The following ENPP2 variants were observed in gnomAD, a reference collection of about 807,000 sequenced individuals.
The protein encoded by ENPP2 is ectonucleotide pyrophosphatase/phosphodiesterase 2.
Under a neutral mutation model 120.2 loss-of-function variants are expected in ENPP2, and 51 were observed. The ratio of observed to expected loss-of-function variants is 0.42; its 90% CI spans 0.34 to 0.54. ENPP2 has a LOEUF of 0.54. ENPP2 is among the 20% of genes least tolerant of loss of function. The pLI, the probability that ENPP2 is intolerant of heterozygous loss-of-function variation, is 0.04. For missense variants in ENPP2, 920 were observed against 1,066.5 expected (o/e 0.86, Z 1.91); for synonymous variants, 365 against 366.4 (o/e 1.00, Z 0.04).
rs753042259 is a variant in ENPP2, at chr8:119,564,781, G to C, written c.2264+42C>G. On this transcript the variant is annotated intron_variant, in intron 23 of 24. Transcript: ENST00000075322. The stretch of plus-strand genomic sequence containing the variant: ...TGAAAAACTTCTTGAGTGAGATCTT[G>C]GGACTTAAAAATCACACACTGAGTA... 10 of 1,581,812 alleles carry C rather than the reference G, an allele frequency of 6.3e-6. No individual in the cohort carries two copies. The South Asian group carries it at 1.1e-4, about 18-fold the overall frequency.
intron 18 of ENPP2, chr8:119,580,943 T>C (rs1001985359): frequency 6.6e-6 from 1 of 152,134 alleles, no homozygotes; most frequent in African/African-American, 2.4e-5. Flanking sequence ...TTTAGGAAAC[T>C]ATACAAAAGA....
At chr8:119,592,670 T>C (rs1240695985) in intron 12 of ENPP2, among the ~76,000 whole-genome samples, 4 of 151,822 alleles carry the variant, frequency 2.6e-5, no homozygotes, top group Non-Finnish European at 1.5e-5. Flanking sequence ...GCAAATGCTC[T>C]TGACACCTCT....
At position 119,601,411 on chromosome 8, in the gene ENPP2, C is replaced by T. The variant is rs775814312; in HGVS notation, c.885G>A (p.Leu295=). ...GAAATAAATACCTCTCATGATCTGG[C>T]AGGGTGAGCCACTGCAATATGGTTA... ...RILTILQWLT[L]PDHERPSVYA... The change falls in exon 10 of 25, where the codon CTG becomes CTA. Residue 295 remains leucine (L), a synonymous_variant. Coordinates refer to ENST00000075322, the MANE Select transcript of ENPP2 (RefSeq NM_001040092.3). 10 of 1,606,610 alleles carry T rather than the reference C, an allele frequency of 6.2e-6. No individual in the cohort carries two copies. The South Asian group carries it at 8.8e-5, about 14-fold the overall frequency.
chr8:119,666,126 C>T (rs1269018603), intron 1 of ENPP2, among the ~76,000 whole-genome samples: 1 of 152,196 alleles, frequency 6.6e-6, no homozygotes, highest in Non-Finnish European at 1.5e-5. Context: ...AGACTACATA[C>T]ACATAAAAGA....
chr8:119,573,960 GA>G lies in ENPP2; in HGVS notation c.1781-3120del, dbSNP rs3838711. Among the ~76,000 whole-genome samples, 246 of 152,120 alleles carry G rather than the reference GA, an allele frequency of 1.6e-3. 1 individual carries two copies. Among genetic ancestry groups the G allele is most frequent in the African/African-American group, 5.4e-3 (226 of 41,502 alleles). On this transcript the variant is annotated intron_variant, in intron 19 of 24. Coordinates refer to ENST00000075322, the MANE Select transcript of ENPP2 (RefSeq NM_001040092.3). The stretch of plus-strand genomic sequence containing the variant: ...CTGAGCAAAAATAGCATAATAAGGG[GA>G]AAAAATACAGTGGTTTTTACAGCCT...
At chr8:119,590,475 A>G (rs1813417976) in intron 13 of ENPP2, 30 bp downstream of exon 13, 1 of 1,557,084 alleles carries the variant, frequency 6.4e-7, no homozygotes, top group Admixed American at 1.9e-5. Flanking sequence ...TTACCACTCT[A>G]ACCACTTAAT....
chr8:119,600,733 A>T lies in ENPP2; in HGVS notation c.917T>A (p.Phe306Tyr), dbSNP rs757693550. The change falls in exon 11 of 25, where the codon TTC becomes TAC. Residue 306 changes from phenylalanine to tyrosine, a missense_variant. Coordinates refer to ENST00000075322, the MANE Select transcript of ENPP2 (RefSeq NM_001040092.3). Reference protein sequence around the residue: ...PDHERPSVYAFYSEQPDFSGH... With the variant: ...PDHERPSVYAYYSEQPDFSGH... The stretch of plus-strand genomic sequence containing the variant: ...AGAGAAATCAGGTTGCTCAGAATAG[A>T]AGGCATAGACCGAAGGCCTATAAGA... 1.9e-6 allele frequency: 3 copies of T among 1,611,554 alleles called. No homozygotes were observed. The highest frequency in any genetic ancestry group is 3.3e-5 in the Admixed American group (2 of 60,008).
chr8:119,586,192 A>G lies in ENPP2; in HGVS notation c.1361T>C (p.Val454Ala). ...IHLLVERRWHVARKPLDVYKK... is the reference protein window; with the variant it reads ...IHLLVERRWHAARKPLDVYKK... ...TAGCCCATATACCAGTTACCTTGCA[A>G]CATGCCATCTGCGTTCCACCAATAA... The change falls in exon 15 of 25, where the codon GTT becomes GCT. Residue 454 changes from valine to alanine, a missense_variant. Coordinates refer to ENST00000075322, the MANE Select transcript of ENPP2 (RefSeq NM_001040092.3). 6.2e-7 allele frequency: 1 copy of G among 1,613,978 alleles called. No individual in the cohort carries two copies. Among genetic ancestry groups the G allele is most frequent in the Non-Finnish European group, 8.5e-7 (1 of 1,179,944 alleles).
At chr8:119,646,997 TC>T (rs1261765406) in intron 1 of ENPP2, among the ~76,000 whole-genome samples, 2 of 148,402 alleles carry the variant, frequency 1.3e-5, no homozygotes, top group Non-Finnish European at 3.0e-5. Flanking sequence ...GTAATCTCTC[TC>T]TTTTTTTTTT....
intron 1 of ENPP2, among the ~76,000 whole-genome samples, chr8:119,672,011 G>A (rs531168620): frequency 1.3e-5 from 2 of 152,166 alleles, no homozygotes; most frequent in African/African-American, 4.8e-5. Flanking sequence ...GCGTGGGAGG[G>A]GGGGAGTTGA....
chr8:119,601,225 A>C (rs970399913), intron 10 of ENPP2, among the ~76,000 whole-genome samples, 172 bp downstream of exon 10: 3 of 152,242 alleles, frequency 2.0e-5, no homozygotes, highest in Non-Finnish European at 4.4e-5. Context: ...AAATGGTCCC[A>C]ATAACCAAAG....
chr8:119,568,811 C>T (rs1489675626), intron 21 of ENPP2, among the ~76,000 whole-genome samples: 1 of 152,132 alleles, frequency 6.6e-6, no homozygotes, highest in African/African-American at 2.4e-5. Flanking sequence ...GTTGTCCAGG[C>T]TCATCTCGAA....
intron 2 of ENPP2, among the ~76,000 whole-genome samples, chr8:119,629,508 TAA>T (rs1449933398): frequency 4.6e-5 from 7 of 152,198 alleles, no homozygotes; most frequent in African/African-American, 1.2e-4. Flanking sequence ...TTGTCCTCGT[TAA>T]AGTCTTAAAG....
chr8:119,568,041 T>G, intron 22 of ENPP2, 134 bp downstream of exon 22: 1 of 591,622 alleles, frequency 1.7e-6, no homozygotes, highest in Non-Finnish European at 3.0e-6. Flanking sequence ...ACATGAAAGA[T>G]CCTCAAAAAT....
intron 1 of ENPP2, among the ~76,000 whole-genome samples, chr8:119,661,014 C>G (rs1002886766): frequency 1.3e-5 from 2 of 152,100 alleles, no homozygotes; most frequent in Non-Finnish European, 2.9e-5. Flanking sequence ...AGAAAACAAC[C>G]TGATTTAAAG....
Position 119,580,254 on chromosome 8 carries a change from T to C in ENPP2, c.1729-87A>G, listed in dbSNP as rs77462952. The C allele has an allele frequency of 6.9e-5, 70 of 1,019,264 alleles. No individual in the cohort carries two copies. In the East Asian group the frequency reaches 1.6e-3, roughly 24 times the overall value. The allele number at this position is 1,019,264 out of a possible 1,614,324, so 63.1% of individuals were successfully genotyped here. ...GTGCCCTTCTGTCGACTTAGCACCCTGCTAAATTCAAAAGCGAACTCTAAA... is the reference window on the plus strand; with the variant it reads ...GTGCCCTTCTGTCGACTTAGCACCCCGCTAAATTCAAAAGCGAACTCTAAA... On this transcript the variant is annotated intron_variant, in intron 18 of 24. Transcript: ENST00000075322.
chr8:119,621,062 T>G (rs1422349557), intron 4 of ENPP2, among the ~76,000 whole-genome samples: 2 of 152,210 alleles, frequency 1.3e-5, no homozygotes, highest in African/African-American at 4.8e-5. Context: ...CTGCAGTATA[T>G]CCGTTTCCTC....
chr8:119,673,305 G>A (rs1356947708), exon 1 of ENPP2: 10 of 1,534,996 alleles, frequency 6.5e-6, no homozygotes, highest in Non-Finnish European at 8.7e-6. Flanking sequence ...TTCCTGCCCG[G>A]GCGCTGCGGA....
intron 3 of ENPP2, among the ~76,000 whole-genome samples, chr8:119,623,147 T>C (rs1302248540): frequency 6.6e-6 from 1 of 152,124 alleles, no homozygotes; most frequent in Non-Finnish European, 1.5e-5. Context: ...GAGAAACAAC[T>C]ATTGTTAGGT....
Sources: gnomAD v4.1 joint callset for allele counts (sites outside exome capture counted in the v4.1 genomes callset) on GRCh38, gnomAD v4.1.1 for gene constraint, MANE v1.5 for transcripts, NCBI Gene and HGNC (gene_info 2026-07-23, HGNC 2026-07-21) for gene names.